AKAP6: variants seen among roughly 807,000 people sequenced by gnomAD.
AKAP6 encodes A-kinase anchoring protein 6.
Under a neutral mutation model 188.5 loss-of-function variants are expected in AKAP6, and 58 were observed. The observed-to-expected ratio is 0.31, with a 90% CI of 0.25 to 0.38. The LOEUF is 0.38. AKAP6 is among the 10% of genes least tolerant of loss of function. The pLI is 1.00. For synonymous variants in AKAP6, 989 were observed against 998.6 expected, an observed-to-expected ratio of 0.99 and a Z score of 0.18; for missense variants, 2,710 against 2,740.0, an observed-to-expected ratio of 0.99 and a Z score of 0.24.
intron 7 of AKAP6, among the ~76,000 whole-genome samples, chr14:32,674,317 T>G (rs2139622902): frequency 6.6e-6 from 1 of 152,278 alleles, no homozygotes; most frequent in African/African-American, 2.4e-5. Flanking sequence ...CAGCTCATGT[T>G]TTATAAAGAC....
chr14:32,795,333 A>G (rs1470378529), intron 12 of AKAP6, among the ~76,000 whole-genome samples: 1 of 152,226 alleles, frequency 6.6e-6, no homozygotes, highest in Non-Finnish European at 1.5e-5. Context: ...ATGCAACAAA[A>G]AAAGAAAACT....
At chr14:32,615,118 G>A (rs11844389) in intron 7 of AKAP6, among the ~76,000 whole-genome samples, 33,089 of 138,176 alleles carry the variant, frequency 0.24, 4,190 homozygotes, top group African/African-American at 0.31. Flanking sequence ...GCAGTGAGCC[G>A]AGATGGTGCC....
At chr14:32,740,527 T>A (rs751555117) in intron 11 of AKAP6, among the ~76,000 whole-genome samples, 1 of 152,144 alleles carries the variant, frequency 6.6e-6, no homozygotes, top group Non-Finnish European at 1.5e-5. Context: ...AAGTCCTTAA[T>A]CCATTTTTAT....
In AKAP6 at chr14:32,822,652, C is replaced by T. The variant is rs764893067; in HGVS notation, c.4839C>T (p.His1613=). 6.2e-7 allele frequency: 1 copy of T among 1,614,038 alleles called. No individual in the cohort carries two copies. The change falls in exon 13 of 14, where the codon CAC becomes CAT. Residue 1613 remains histidine, a synonymous_variant. Transcript: ENST00000280979. The part of the protein sequence containing the change: ...YKSNEDLFSC[H]SSGDISVSSG... Reference sequence around the variant, plus strand: ...GCAATGAAGATCTCTTTAGCTGTCACAGCTCTGGGGATATAAGCGTGAGCA... The same window carrying T: ...GCAATGAAGATCTCTTTAGCTGTCATAGCTCTGGGGATATAAGCGTGAGCA...
At chr14:32,370,975 T>A (rs1887985787) in intron 1 of AKAP6, among the ~76,000 whole-genome samples, 1 of 152,196 alleles carries the variant, frequency 6.6e-6, no homozygotes, top group African/African-American at 2.4e-5. Context: ...AGATCATCCT[T>A]TTTAAACTCA....
chr14:32,822,061 G>T lies in AKAP6; in HGVS notation c.4248G>T (p.Glu1416Asp). 2.5e-6 allele frequency: 4 copies of T among 1,613,918 alleles called. No homozygotes were observed. The highest frequency in any genetic ancestry group is 3.4e-6 in the Non-Finnish European group (4 of 1,179,936). ...TGTTAAAGCAAAAATTTACAGATGAGGGGGAAAGCATTAAGCTTCCAAATA... is the reference window on the plus strand; with the variant it reads ...TGTTAAAGCAAAAATTTACAGATGATGGGGAAAGCATTAAGCTTCCAAATA... ...VNVLKQKFTD[E>D]GESIKLPNSS... Residue 1416 changes from glutamate to aspartate, a missense_variant, in exon 13 of 14, where the codon GAG (glutamate) becomes GAT (aspartate). Around this residue, in one of 2 missense-constraint regions of AKAP6, gnomAD observed 2,473 missense variants for 2,426.1 expected, o/e 1.02. Transcript: ENST00000280979.
At chr14:32,649,185 G>A (rs1313262588) in intron 7 of AKAP6, among the ~76,000 whole-genome samples, 3 of 151,822 alleles carry the variant, frequency 2.0e-5, no homozygotes, top group Admixed American at 2.0e-4. Context: ...GGATGAGAGG[G>A]GTAATCAATA....
At chr14:32,367,203 C>T (rs754999309) in intron 1 of AKAP6, among the ~76,000 whole-genome samples, 3 of 152,140 alleles carry the variant, frequency 2.0e-5, no homozygotes, top group African/African-American at 4.8e-5. Context: ...ACTAAGTCAA[C>T]AAAACAACAA....
chr14:32,479,841 A>T, intron 2 of AKAP6, among the ~76,000 whole-genome samples: 1 of 152,152 alleles, frequency 6.6e-6, no homozygotes, highest in East Asian at 1.9e-4. Context: ...ATCTACTGGC[A>T]CCTTGATCTG....
intron 2 of AKAP6, among the ~76,000 whole-genome samples, chr14:32,473,297 A>G (rs763935772): frequency 1.3e-5 from 2 of 152,340 alleles, no homozygotes; most frequent in East Asian, 1.9e-4. Context: ...CAGGAAGCCT[A>G]CTACTTCAGA....
intron 2 of AKAP6, among the ~76,000 whole-genome samples, chr14:32,534,562 T>A (rs1377894072): frequency 6.6e-6 from 1 of 152,220 alleles, no homozygotes; most frequent in East Asian, 1.9e-4. Flanking sequence ...AATGTCTGCA[T>A]GAAACGAAAC....
intron 12 of AKAP6, among the ~76,000 whole-genome samples, chr14:32,819,863 G>T (rs924020779): frequency 6.6e-6 from 1 of 152,052 alleles, no homozygotes; most frequent in Non-Finnish European, 1.5e-5. Flanking sequence ...CGGAAGGATT[G>T]TTTGAGCCTG....
chr14:32,545,403 C>T lies in AKAP6; in HGVS notation c.750C>T (p.Thr250=). The change falls in exon 4 of 14, where the codon ACC becomes ACT. Residue 250 remains threonine, a synonymous_variant. Coordinates refer to ENST00000280979, the MANE Select transcript of AKAP6 (RefSeq NM_004274.5). ...LGDMTSSQVK[T]KPFDSWSYSE... ...ACATGACCTCTAGCCAAGTCAAAAC[C>T]AAACCCTTTGACTCTTGGAGCTACA... 1.2e-6 allele frequency: 2 copies of T among 1,614,162 alleles called. No individual in the cohort carries two copies. Among genetic ancestry groups the T allele is most frequent in the African/African-American group, 1.3e-5 (1 of 75,048 alleles).
chr14:32,355,709 T>C lies in AKAP6; in HGVS notation c.-35+26301T>C, dbSNP rs1251071875. 2.6e-5 allele frequency among the ~76,000 whole-genome samples: 4 copies of C among 152,166 alleles called. 1 individual carries two copies. In the South Asian group the frequency reaches 6.2e-4, roughly 24 times the overall value. ...CTATTTCAAGATAGCTTTAATAACT[T>C]TAATGTGATATGAAAATATCTGAGA... is the stretch of plus-strand genomic sequence containing the variant. On this transcript the variant is annotated intron_variant, in intron 1 of 13. Coordinates refer to ENST00000280979, the MANE Select transcript of AKAP6 (RefSeq NM_004274.5).
At chr14:32,785,730 A>G (rs972671333) in intron 12 of AKAP6, among the ~76,000 whole-genome samples, 1 of 152,122 alleles carries the variant, frequency 6.6e-6, no homozygotes, top group African/African-American at 2.4e-5. Flanking sequence ...GATCTTGTAC[A>G]GGACAACTTC....
intron 2 of AKAP6, among the ~76,000 whole-genome samples, chr14:32,479,989 T>C (rs1441293698): frequency 6.6e-6 from 1 of 152,174 alleles, no homozygotes; most frequent in East Asian, 1.9e-4. Flanking sequence ...TGGTGTGTGA[T>C]GGTGTAGGCC....
At chr14:32,758,499 C>T (rs1008331480) in intron 11 of AKAP6, among the ~76,000 whole-genome samples, 5 of 152,058 alleles carry the variant, frequency 3.3e-5, no homozygotes, top group African/African-American at 7.2e-5. Context: ...TTTGGGAGGC[C>T]GAGGCGGGCA....
intron 12 of AKAP6, among the ~76,000 whole-genome samples, chr14:32,779,340 G>A (rs1222295904): frequency 1.4e-5 from 2 of 147,176 alleles, no homozygotes; most frequent in African/African-American, 5.0e-5. Flanking sequence ...AGCCCAGGAG[G>A]TTGAGGCTAC....
intron 1 of AKAP6, among the ~76,000 whole-genome samples, chr14:32,367,804 A>C (rs1391438110): frequency 6.6e-6 from 1 of 152,114 alleles, no homozygotes; most frequent in African/African-American, 2.4e-5. Context: ...CTGACTTTCC[A>C]AGCTGCTTAG....
Sources: allele counts gnomAD v4.1 joint callset (sites outside exome capture counted in the v4.1 genomes callset), GRCh38; gene constraint gnomAD v4.1.1; regional missense constraint gnomAD v4.1.1; transcripts MANE v1.5; gene names NCBI Gene and HGNC (gene_info 2026-07-23, HGNC 2026-07-21).